CPS1: variants seen among roughly 807,000 people sequenced by gnomAD.
The protein encoded by CPS1 is carbamoyl-phosphate synthase [ammonia], mitochondrial.
Under a neutral mutation model 174.6 loss-of-function variants are expected in CPS1, and 109 were observed. The ratio of observed to expected loss-of-function variants is 0.62; its 90% CI spans 0.53 to 0.73. CPS1 has a LOEUF of 0.73. Among genes scored for constraint, CPS1 ranks in the 30% least tolerant of loss-of-function variants. The pLI, the probability that CPS1 is intolerant of heterozygous loss-of-function variation, is 0.00. For missense variants in CPS1, 1,689 were observed against 1,821.9 expected, an observed-to-expected ratio of 0.93 and a Z score of 1.33; for synonymous variants, 637 against 632.0, an observed-to-expected ratio of 1.01 and a Z score of -0.12.
At chr2:210,539,035 T>G (rs748786471) in intron 1 of CPS1, among the ~76,000 whole-genome samples, 5 of 152,212 alleles carry the variant, frequency 3.3e-5, no homozygotes, top group African/African-American at 4.8e-5. Context: ...TATTGTTGTA[T>G]AAATTGCTTT....
intron 2 of CPS1, among the ~76,000 whole-genome samples, chr2:210,575,873 C>G (rs957669343): frequency 2.6e-5 from 4 of 152,024 alleles, no homozygotes; most frequent in African/African-American, 9.7e-5. Context: ...TCAGGCTACT[C>G]TTCAGTATCC....
rs201351777 is a variant in CPS1, at chr2:210,556,877, T to G, written c.126+18T>G. ...CTGTCAAGGTAATACCCATATTGAT[T>G]GTTTCTGATAAAATACTATGGGGTA... is the stretch of plus-strand genomic sequence containing the variant. On this transcript the variant is annotated intron_variant, in intron 1 of 37. Transcript: ENST00000233072. 6.2e-7 allele frequency: 1 copy of G among 1,612,320 alleles called. No homozygotes were observed.
intron 1 of CPS1, among the ~76,000 whole-genome samples, chr2:210,495,030 C>T (rs1180464498): frequency 6.6e-6 from 1 of 152,174 alleles, no homozygotes; most frequent in East Asian, 1.9e-4. Context: ...ACACTAAAAA[C>T]ACTCCAGGTG....
intron 29 of CPS1, among the ~76,000 whole-genome samples, chr2:210,654,534 G>A (rs1328231098): frequency 6.6e-6 from 1 of 152,138 alleles, no homozygotes; most frequent in Non-Finnish European, 1.5e-5. Context: ...TAAAGGCAAA[G>A]TCAAACAGAG....
intron 1 of CPS1, among the ~76,000 whole-genome samples, chr2:210,551,334 T>C (rs192943947): frequency 1.3e-5 from 2 of 152,170 alleles, no homozygotes; most frequent in East Asian, 3.9e-4. Context: ...TCCTTTTACA[T>C]TGGCAATAAC....
intron 1 of CPS1, among the ~76,000 whole-genome samples, chr2:210,506,548 G>T (rs945462865): frequency 6.6e-6 from 1 of 152,146 alleles, no homozygotes; most frequent in African/African-American, 2.4e-5. Flanking sequence ...CTGACGAGCT[G>T]AGAGAAGGCT....
At chr2:210,518,053 A>G (rs1311424180) in intron 1 of CPS1, among the ~76,000 whole-genome samples, 1 of 152,056 alleles carries the variant, frequency 6.6e-6, no homozygotes, top group Admixed American at 6.6e-5. Flanking sequence ...TTTAAGTGCC[A>G]TATAGTTTAA....
chr2:210,639,973 T>A, intron 23 of CPS1, 23 bp from the exon 24 acceptor site: 1 of 1,562,172 alleles, frequency 6.4e-7, no homozygotes, highest in Non-Finnish European at 8.8e-7. Flanking sequence ...GATTTCTGCA[T>A]CTTCCTTTTC....
At chr2:210,599,318 C>G in intron 13 of CPS1, 54 bp from the exon 14 acceptor site, 1 of 1,533,722 alleles carries the variant, frequency 6.5e-7, no homozygotes, top group South Asian at 1.1e-5. Context: ...TAAGTGTGGT[C>G]ATTCTCTTCT....
At position 210,600,264 on chromosome 2, in the gene CPS1, A is replaced by G. The variant is rs139599445; in HGVS notation, c.1550-291A>G. 3.5e-3 allele frequency among the ~76,000 whole-genome samples: 535 copies of G among 152,020 alleles called. 5 individuals carry two copies. Among genetic ancestry groups the G allele is most frequent in the African/African-American group, 0.013 (525 of 41,520 alleles). ...ATTATAGAAATGGACTTTAGGAGGA[A>G]AGGGAATATATTGAAATCTTAAGGC... On this transcript the variant is annotated intron_variant, in intron 14 of 37. Transcript: ENST00000233072.
intron 32 of CPS1, among the ~76,000 whole-genome samples, chr2:210,661,040 G>A (rs2270476): frequency 0.084 from 12,703 of 152,104 alleles, 720 homozygotes; most frequent in East Asian, 0.27. Flanking sequence ...TAGCCTGTGG[G>A]GTTGATTAAA....
At chr2:210,674,798 G>A in intron 34 of CPS1, 104 bp from the exon 35 acceptor site, 3 of 955,384 alleles carry the variant, frequency 3.1e-6, no homozygotes, top group Non-Finnish European at 5.1e-6. Flanking sequence ...AAAGCATCCG[G>A]CAACATGTAA....
At chr2:210,607,600 C>T (rs1308337584) in intron 18 of CPS1, among the ~76,000 whole-genome samples, 1 of 151,808 alleles carries the variant, frequency 6.6e-6, no homozygotes, top group Non-Finnish European at 1.5e-5. Context: ...CACAGCACTG[C>T]GTGGAGTGGT....
chr2:210,630,095 A>AG (rs201181547), intron 21 of CPS1, among the ~76,000 whole-genome samples: 1 of 150,950 alleles, frequency 6.6e-6, no homozygotes, highest in Admixed American at 6.6e-5. Flanking sequence ...AACAAAACAA[A>AG]AAAAAAAAAC....
chr2:210,479,288 A>G (rs888733834), intron 1 of CPS1, among the ~76,000 whole-genome samples: 1 of 150,148 alleles, frequency 6.7e-6, no homozygotes, highest in Non-Finnish European at 1.5e-5. Context: ...TTACGACACC[A>G]TCATAGTGGA....
chr2:210,598,650 A>G (rs1311661237), intron 13 of CPS1, among the ~76,000 whole-genome samples: 1 of 151,982 alleles, frequency 6.6e-6, no homozygotes, highest in East Asian at 1.9e-4. Context: ...GTTCAATTCA[A>G]GAAGAAGATC....
intron 1 of CPS1, among the ~76,000 whole-genome samples, chr2:210,517,940 A>T (rs1574486556): frequency 6.6e-6 from 1 of 151,926 alleles, no homozygotes; most frequent in South Asian, 2.1e-4. Flanking sequence ...TATATGTCAG[A>T]CCCAGGCCAT....
At chr2:210,591,718 T>G (rs988452712) in intron 9 of CPS1, 113 bp from the exon 10 acceptor site, 18 of 1,162,064 alleles carry the variant, frequency 1.5e-5, no homozygotes, top group Non-Finnish European at 2.2e-5. Context: ...CACTAAGCAA[T>G]TGAAATTTTG....
Position 210,663,123 on chromosome 2 carries a change from G to A in CPS1, c.3928G>A (p.Ala1310Thr), listed in dbSNP as rs754166196. The change falls in exon 33 of 38, where the codon GCT becomes ACT. Residue 1310 changes from alanine (A) to threonine (T), a missense_variant and splice_region_variant. Transcript: ENST00000233072. ...IIPADYVAIK[A>T]PMFSWPRLRD... Reference sequence around the variant, plus strand: ...TCCCTGTTTTTTTTTTTTCCAACAGGCTCCCATGTTTTCCTGGCCCCGGTT... The same window carrying A: ...TCCCTGTTTTTTTTTTTTCCAACAGACTCCCATGTTTTCCTGGCCCCGGTT... 6.2e-7 allele frequency: 1 copy of A among 1,611,416 alleles called. No homozygotes were observed. The highest frequency in any genetic ancestry group is 8.5e-7 in the Non-Finnish European group (1 of 1,179,298).
Sources: allele counts gnomAD v4.1 joint callset (sites outside exome capture counted in the v4.1 genomes callset), GRCh38; gene constraint gnomAD v4.1.1; transcripts MANE v1.5; gene names NCBI Gene and HGNC (gene_info 2026-07-23, HGNC 2026-07-21).